MON2: variants seen among roughly 807,000 people sequenced by gnomAD.
MON2 encodes the protein MON2 regulator of endosome-to-Golgi trafficking.
Under a neutral mutation model 208.6 loss-of-function variants are expected in MON2, and 84 were observed. That is an observed-to-expected ratio of 0.40 (90% CI 0.34 to 0.48). The LOEUF is 0.48. MON2 is among the 20% of genes least tolerant of loss of function. The probability of loss-of-function intolerance (pLI) is 0.59; values close to 1 mark genes in which losing one functional copy is unlikely to be tolerated. For missense variants in MON2, 1,611 were observed against 2,015.4 expected, an observed-to-expected ratio of 0.80 and a Z score of 3.84; for synonymous variants, 660 against 694.0, an observed-to-expected ratio of 0.95 and a Z score of 0.77.
chr12:62,483,614 G>T (rs1363738752), intron 1 of MON2, among the ~76,000 whole-genome samples: 2 of 152,330 alleles, frequency 1.3e-5, no homozygotes, highest in Non-Finnish European at 2.9e-5. Context: ...TACTTGGGAG[G>T]CTGAGGCAGG....
intron 29 of MON2, among the ~76,000 whole-genome samples, chr12:62,567,666 CTTTA>C (rs1236371512): frequency 6.6e-6 from 1 of 152,208 alleles, no homozygotes; most frequent in African/African-American, 2.4e-5. Context: ...TATCCTCTCA[CTTTA>C]TTTATTGAGC....
Position 62,537,751 on chromosome 12 carries a change from A to T in MON2, c.2118+45A>T, listed in dbSNP as rs372633113. 5 of 1,388,822 alleles carry T rather than the reference A, an allele frequency of 3.6e-6. No individual in the cohort carries two copies. In the African/African-American group the frequency reaches 7.2e-5, roughly 20 times the overall value. 86.0% of individuals were successfully genotyped at this position (1,388,822 alleles called of 1,614,324 possible). On this transcript the variant is annotated intron_variant, in intron 16 of 34. Transcript: ENST00000393630. The stretch of plus-strand genomic sequence containing the variant: ...TCAGAGATTAGTGTTGTTTTTATAT[A>T]TAATTGCTAACAGTTAGACTAAGCA...
intron 33 of MON2, 177 bp downstream of exon 33, chr12:62,585,678 C>G (rs1403249780): frequency 2.0e-6 from 1 of 504,526 alleles, no homozygotes; most frequent in Non-Finnish European, 3.4e-6. Flanking sequence ...GATATATTAA[C>G]ATGTTTTGTT....
intron 1 of MON2, among the ~76,000 whole-genome samples, chr12:62,468,138 A>G (rs1228295910): frequency 6.7e-6 from 1 of 148,392 alleles, no homozygotes; most frequent in Non-Finnish European, 1.5e-5. Flanking sequence ...TTCTCTTAAA[A>G]TGCCATTTTA....
chr12:62,572,536 C>G (rs548717199), intron 30 of MON2, among the ~76,000 whole-genome samples: 2 of 152,292 alleles, frequency 1.3e-5, no homozygotes, highest in Admixed American at 1.3e-4. Context: ...GCCTCGACCT[C>G]CCAGGCTCAA....
intron 19 of MON2, among the ~76,000 whole-genome samples, chr12:62,542,409 G>A (rs890195287): frequency 3.3e-5 from 5 of 151,912 alleles, no homozygotes; most frequent in South Asian, 2.1e-4. Context: ...GAAATACCAC[G>A]CCATCCACTC....
At chr12:62,581,212 A>G (rs1334862443) in intron 32 of MON2, among the ~76,000 whole-genome samples, 1 of 152,194 alleles carries the variant, frequency 6.6e-6, no homozygotes, top group Non-Finnish European at 1.5e-5. Flanking sequence ...TTTGTTATTA[A>G]TTCTCTTTTT....
rs777697731 is a variant in MON2 at position 62,467,162 on chromosome 12, G to A, written c.-46G>A. ...TGGCCCTAAGGAGCTGACCGTGCCA[G>A]AGCTTGTTTGTACCTCTCGGAAATT... On this transcript the variant is annotated 5_prime_UTR_variant, in exon 1 of 35. Transcript: ENST00000393630. 1.3e-6 allele frequency: 2 copies of A among 1,547,392 alleles called. No individual in the cohort carries two copies. The highest frequency in any genetic ancestry group is 4.5e-5 in the East Asian group (2 of 44,524).
At chr12:62,575,411 C>G (rs1224053947) in intron 30 of MON2, among the ~76,000 whole-genome samples, 1 of 152,042 alleles carries the variant, frequency 6.6e-6, no homozygotes, top group Non-Finnish European at 1.5e-5. Flanking sequence ...AGATTTTAAA[C>G]CTTACTTAAT....
chr12:62,589,254 AAAG>A (rs1436682196), intron 34 of MON2, among the ~76,000 whole-genome samples: 2 of 152,224 alleles, frequency 1.3e-5, no homozygotes, highest in African/African-American at 4.8e-5. Flanking sequence ...AGACATTGGT[AAAG>A]AAGAAAACTG....
chr12:62,529,810 A>G (rs1010189487), intron 11 of MON2, among the ~76,000 whole-genome samples: 2 of 152,116 alleles, frequency 1.3e-5, no homozygotes, highest in African/African-American at 4.8e-5. Context: ...GGAATCACAC[A>G]ATAAATGTTA....
At chr12:62,549,484 G>T (rs903190809) in intron 22 of MON2, among the ~76,000 whole-genome samples, 184 bp from the exon 23 acceptor site, 7 of 151,668 alleles carry the variant, frequency 4.6e-5, no homozygotes, top group African/African-American at 1.2e-4. Context: ...GGGCATGGGG[G>T]TGTGCACCTG....
chr12:62,517,158 G>A (rs2071741450), intron 8 of MON2, among the ~76,000 whole-genome samples: 1 of 152,114 alleles, frequency 6.6e-6, no homozygotes, highest in African/African-American at 2.4e-5. Context: ...TCTTAGAAGG[G>A]TTCCTCCTCC....
chr12:62,474,158 C>CGACA (rs2068943576), intron 1 of MON2, among the ~76,000 whole-genome samples: 1 of 150,792 alleles, frequency 6.6e-6, no homozygotes, highest in African/African-American at 2.4e-5. Flanking sequence ...CGCTCTTGTC[C>CGACA]CCCAGGCTTA....
At chr12:62,532,061 G>T (rs2072677851) in intron 11 of MON2, among the ~76,000 whole-genome samples, 1 of 152,120 alleles carries the variant, frequency 6.6e-6, no homozygotes, top group Admixed American at 6.5e-5. Context: ...GAGCCACCAC[G>T]CCCGGCCAAT....
At chr12:62,510,469 G>A (rs910445901) in intron 8 of MON2, among the ~76,000 whole-genome samples, 1 of 152,136 alleles carries the variant, frequency 6.6e-6, no homozygotes, top group African/African-American at 2.4e-5. Flanking sequence ...TGGAATGTAA[G>A]GACGTTTCAA....
chr12:62,484,064 T>C, intron 1 of MON2, 106 bp from the exon 2 acceptor site: 2 of 776,496 alleles, frequency 2.6e-6, no homozygotes, highest in Non-Finnish European at 4.4e-6. Flanking sequence ...GGTAGGGTAG[T>C]GACTGACTTT....
chr12:62,587,641 G>A (rs2136494878), intron 33 of MON2, among the ~76,000 whole-genome samples: 1 of 152,068 alleles, frequency 6.6e-6, no homozygotes, highest in Admixed American at 6.5e-5. Context: ...TACTCGGGAG[G>A]CTAAGTGGGA....
At chr12:62,548,381 A>G (rs2073592998) in intron 22 of MON2, among the ~76,000 whole-genome samples, 1 of 152,074 alleles carries the variant, frequency 6.6e-6, no homozygotes, top group Non-Finnish European at 1.5e-5. Flanking sequence ...AGGAAGAGCA[A>G]ATTTGGAGGG....
Sources: allele counts gnomAD v4.1 joint callset (sites outside exome capture counted in the v4.1 genomes callset), GRCh38; gene constraint gnomAD v4.1.1; transcripts MANE v1.5; gene names NCBI Gene and HGNC (gene_info 2026-07-23, HGNC 2026-07-21).